Variants in KCNIP1 observed in about 807,000 individuals in gnomAD.
KCNIP1 encodes the protein potassium voltage-gated channel interacting protein 1, also known as A-type potassium channel modulatory protein KCNIP1.
In KCNIP1, 18 loss-of-function variants were observed where a neutral mutation model predicts 33.0. The ratio of observed to expected loss-of-function variants is 0.55; its 90% confidence interval spans 0.38 to 0.81. KCNIP1 has a LOEUF of 0.81. Among genes scored for constraint, KCNIP1 ranks in the 30% least tolerant of loss-of-function variants. The probability of loss-of-function intolerance (pLI) is 0.00; values close to 1 mark genes in which losing one functional copy is unlikely to be tolerated. For synonymous variants in KCNIP1, 93 were observed against 98.3 expected, an observed-to-expected ratio of 0.95 and a Z score of 0.32; for missense variants, 238 against 271.6, an observed-to-expected ratio of 0.88 and a Z score of 0.87.
At chr5:170,490,558 C>A (rs544182498) in intron 1 of KCNIP1, among the ~76,000 whole-genome samples, 12 of 152,292 alleles carry the variant, frequency 7.9e-5, no homozygotes, top group African/African-American at 2.9e-4. Flanking sequence ...TTGACTTTGA[C>A]ATTGTCCTGT....
At chr5:170,544,254 A>AAAT (rs894408190) in intron 1 of KCNIP1, among the ~76,000 whole-genome samples, 40 of 152,066 alleles carry the variant, frequency 2.6e-4, no homozygotes, top group African/African-American at 7.2e-4. Flanking sequence ...TTTCTACTAA[A>AAAT]AATAATAATA....
At chr5:170,590,887 A>G (rs1274699398) in intron 1 of KCNIP1, among the ~76,000 whole-genome samples, 1 of 151,948 alleles carries the variant, frequency 6.6e-6, no homozygotes, top group Non-Finnish European at 1.5e-5. Flanking sequence ...TCGCCCTTAC[A>G]CTGCTGGCTG....
rs70979192 is a variant in KCNIP1, at chr5:170,598,904, CGTGTGTGTGTGTGT to C, written c.61+94296_61+94309del. 4.6e-4 allele frequency among the ~76,000 whole-genome samples: 62 copies of C among 133,870 alleles called. 1 individual carries two copies. In the South Asian group the frequency reaches 0.01, roughly 22 times the overall value. The allele number at this position is 133,870 out of a possible 152,430, so 87.8% of individuals were successfully genotyped here. A position where few individuals can be genotyped will look rare whatever the true frequency, so the allele number is the denominator to read the frequency against. ...CATAGCCCCGCTGTGTGTGTGTGCG[CGTGTGTGTGTGTGT>C]GTGTGTGTGTGTGTGTGTGTGTGTT... On this transcript the variant is annotated intron_variant, in intron 1 of 7. Transcript: ENST00000328939.
At chr5:170,480,476 ATTT>A (rs11428676) in intron 1 of KCNIP1, among the ~76,000 whole-genome samples, 2 of 137,948 alleles carry the variant, frequency 1.4e-5, no homozygotes, top group Non-Finnish European at 1.5e-5. Flanking sequence ...GAGACTAGGG[ATTT>A]TTTTTTTTTT....
Position 170,563,118 on chromosome 5 carries a change from TCCCA to T in KCNIP1, c.61+58488_61+58491del, listed in dbSNP as rs370925217. On this transcript the variant is annotated intron_variant, in intron 1 of 7. Transcript: ENST00000328939. ...GGAGAGCCTAAGAAACCCAAAGCCTTCCCACCTGCCATCCACCAACTATCATTTA... is the reference window on the plus strand; with the variant it reads ...GGAGAGCCTAAGAAACCCAAAGCCTTCCTGCCATCCACCAACTATCATTTA... 5.6e-3 allele frequency among the ~76,000 whole-genome samples: 860 copies of T among 152,214 alleles called. 11 individuals are homozygous for T. The highest frequency in any genetic ancestry group is 0.019 in the African/African-American group (807 of 41,516).
intron 1 of KCNIP1, among the ~76,000 whole-genome samples, chr5:170,597,107 C>T (rs532990233): frequency 3.3e-5 from 5 of 152,328 alleles, no homozygotes; most frequent in South Asian, 4.1e-4. Flanking sequence ...CTCCAGCATC[C>T]GAGCTCTGAA....
At chr5:170,511,976 G>A (rs1193982289) in intron 1 of KCNIP1, among the ~76,000 whole-genome samples, 1 of 152,184 alleles carries the variant, frequency 6.6e-6, no homozygotes, top group Non-Finnish European at 1.5e-5. Flanking sequence ...GAACAACTGA[G>A]CTACGTGCAG....
intron 1 of KCNIP1, among the ~76,000 whole-genome samples, chr5:170,364,525 T>G (rs893237428): frequency 2.0e-5 from 3 of 152,246 alleles, no homozygotes; most frequent in African/African-American, 7.2e-5. Flanking sequence ...TAGAATTAAA[T>G]GCAGACTCCT....
chr5:170,634,538 G>A (rs769709642), intron 1 of KCNIP1, among the ~76,000 whole-genome samples: 1 of 152,206 alleles, frequency 6.6e-6, no homozygotes, highest in Non-Finnish European at 1.5e-5. Context: ...GAGAGATCCT[G>A]GCAAGAGATA....
intron 1 of KCNIP1, among the ~76,000 whole-genome samples, chr5:170,457,537 C>T (rs1756412328): frequency 6.6e-6 from 1 of 152,192 alleles, no homozygotes; most frequent in Admixed American, 6.5e-5. Flanking sequence ...AGACAACCCC[C>T]AGTACCAGCC....
intron 1 of KCNIP1, among the ~76,000 whole-genome samples, chr5:170,506,998 G>A (rs769440796): frequency 3.9e-5 from 6 of 152,236 alleles, no homozygotes; most frequent in Non-Finnish European, 8.8e-5. Context: ...AGCCTATCCT[G>A]GCCAGGTCAC....
intron 1 of KCNIP1, among the ~76,000 whole-genome samples, chr5:170,490,177 A>T (rs369368117): frequency 6.6e-6 from 1 of 152,202 alleles, no homozygotes; most frequent in Non-Finnish European, 1.5e-5. Context: ...CTCTCTGTTC[A>T]TGCTCCTCCC....
chr5:170,372,885 A>C lies in KCNIP1; in HGVS notation c.88+18921A>C, dbSNP rs553294559. On this transcript the variant is annotated intron_variant, in intron 1 of 7. Transcript: ENST00000377360. ...CCTCTCAAGCCCCTGCTTTTGTTTT[A>C]TGTGTACTGGGGATAGGGGAGGTTG... Among the ~76,000 whole-genome samples, 2 of 152,218 alleles carry C rather than the reference A, an allele frequency of 1.3e-5. 1 individual carries two copies. The highest frequency in any genetic ancestry group is 4.2e-4 in the South Asian group (2 of 4,814).
chr5:170,356,761 C>T (rs1487135342), intron 1 of KCNIP1, among the ~76,000 whole-genome samples: 6 of 152,206 alleles, frequency 3.9e-5, no homozygotes, highest in African/African-American at 7.2e-5. Context: ...CCGTGTTAAA[C>T]GAATGCAACG....
At chr5:170,429,812 T>C (rs1737805455) in intron 1 of KCNIP1, among the ~76,000 whole-genome samples, 1 of 152,216 alleles carries the variant, frequency 6.6e-6, no homozygotes, top group Admixed American at 6.5e-5. Context: ...TTTTAAATGC[T>C]TATATATATA....
intron 1 of KCNIP1, among the ~76,000 whole-genome samples, chr5:170,417,453 T>C (rs1755360037): frequency 1.3e-5 from 2 of 152,236 alleles, no homozygotes; most frequent in Admixed American, 1.3e-4. Flanking sequence ...ACGCTATGGC[T>C]GCTTTGCTGG....
intron 1 of KCNIP1, among the ~76,000 whole-genome samples, chr5:170,572,694 G>T (rs1434870357): frequency 6.6e-6 from 1 of 152,194 alleles, no homozygotes; most frequent in Non-Finnish European, 1.5e-5. Flanking sequence ...GGACTCTGCT[G>T]CTGGAACAAA....
intron 1 of KCNIP1, among the ~76,000 whole-genome samples, chr5:170,716,920 CA>C (rs1387564342): frequency 6.6e-6 from 1 of 152,136 alleles, no homozygotes; most frequent in Non-Finnish European, 1.5e-5. Context: ...CTCATTTACT[CA>C]AAAAATACAA....
At chr5:170,717,236 T>C (rs1763671358) in intron 1 of KCNIP1, among the ~76,000 whole-genome samples, 1 of 152,256 alleles carries the variant, frequency 6.6e-6, no homozygotes, top group Non-Finnish European at 1.5e-5. Context: ...ATTAGACTTA[T>C]GTGAATTTTT....
Sources: gnomAD v4.1 joint callset for allele counts (sites outside exome capture counted in the v4.1 genomes callset) on GRCh38, gnomAD v4.1.1 for gene constraint, MANE v1.5 for transcripts, NCBI Gene and HGNC (gene_info 2026-07-23, HGNC 2026-07-21) for gene names.